CYSLTR1: variants seen among roughly 807,000 people sequenced by gnomAD.
CYSLTR1 encodes G-protein coupled receptor HG55.
CYSLTR1 carries 1 observed loss-of-function variant against 2.1 expected under a neutral mutation model. The observed-to-expected ratio is 0.48, with a 90% CI of 0.17 to 2.28. The LOEUF (loss-of-function observed/expected upper bound fraction) is 2.28, where lower values mean the gene tolerates loss of function less well. CYSLTR1 is among the 30% of genes most tolerant of loss of function. CYSLTR1 has a pLI of 0.26. For synonymous variants in CYSLTR1, 110 were observed against 89.6 expected (o/e 1.23, Z -1.28); for missense variants, 299 against 250.1 (o/e 1.20, Z -1.32).
At chrX:78,285,501 C>T (rs1318316512) in intron 1 of CYSLTR1, among the ~76,000 whole-genome samples, 1 of 110,898 alleles carries the variant, frequency 9.0e-6, no homozygotes, top group Non-Finnish European at 1.9e-5. Context: ...ATTAACTTGG[C>T]TCTGTCCTGG....
intron 1 of CYSLTR1, among the ~76,000 whole-genome samples, chrX:78,299,087 AATTT>A (rs2147264183): frequency 9.0e-6 from 1 of 111,517 alleles, no homozygotes; most frequent in South Asian, 3.7e-4. Flanking sequence ...ACTATCTTAT[AATTT>A]ATTATTTCAA....
intron 1 of CYSLTR1, among the ~76,000 whole-genome samples, chrX:78,289,127 C>G (rs181694398): frequency 9.1e-6 from 1 of 109,331 alleles, no homozygotes; most frequent in Non-Finnish European, 1.9e-5. Flanking sequence ...CTCCACCCCC[C>G]GACAGGCCCT....
intron 1 of CYSLTR1, among the ~76,000 whole-genome samples, chrX:78,302,121 G>C (rs1414337754): frequency 8.9e-6 from 1 of 112,165 alleles, no homozygotes; most frequent in Non-Finnish European, 1.9e-5. Flanking sequence ...GATGAGATTT[G>C]GGTGAGGATA....
chrX:78,279,810 T>C (rs1315470704), intron 2 of CYSLTR1, among the ~76,000 whole-genome samples: 4 of 111,799 alleles, frequency 3.6e-5, no homozygotes, highest in Non-Finnish European at 5.6e-5. Context: ...ATGTATGCAG[T>C]TGGAGGCCAT....
intron 1 of CYSLTR1, among the ~76,000 whole-genome samples, chrX:78,298,759 G>A (rs989974158): frequency 9.0e-6 from 1 of 111,090 alleles, no homozygotes; most frequent in African/African-American, 3.3e-5. Context: ...CTGTCTATGT[G>A]TGCCTTTATA....
At chrX:78,321,052 G>T (rs556427486) in intron 1 of CYSLTR1, 1 of 110,474 alleles carries the variant, frequency 9.1e-6, no homozygotes, top group East Asian at 2.9e-4. Flanking sequence ...CAACTTTGAA[G>T]AGTAACTTTG....
At chrX:78,300,171 A>G (rs1477023239) in intron 1 of CYSLTR1, among the ~76,000 whole-genome samples, 1 of 112,328 alleles carries the variant, frequency 8.9e-6, no homozygotes, top group African/African-American at 3.2e-5. Context: ...TGTTAAATTT[A>G]CCTGATAGAA....
intron 1 of CYSLTR1, among the ~76,000 whole-genome samples, chrX:78,309,071 T>C (rs985089536): frequency 9.0e-6 from 1 of 111,562 alleles, no homozygotes; most frequent in Non-Finnish European, 1.9e-5. Flanking sequence ...TTAAATGAGA[T>C]AGGAGGTAGG....
intron 1 of CYSLTR1, among the ~76,000 whole-genome samples, chrX:78,312,584 G>A (rs1024796792): frequency 8.9e-6 from 1 of 111,771 alleles, no homozygotes; most frequent in African/African-American, 3.2e-5. Context: ...ACCTGACAGA[G>A]GTCTAATATC....
chrX:78,295,283 G>A (rs1159884109), intron 1 of CYSLTR1, among the ~76,000 whole-genome samples: 1 of 110,636 alleles, frequency 9.0e-6, no homozygotes, highest in Non-Finnish European at 1.9e-5. Flanking sequence ...AGCTGTTGAT[G>A]GACCTTTAGG....
Position 78,315,263 on chromosome X carries a change from T to C in CYSLTR1, c.-115+12042A>G, listed in dbSNP as rs755327510. 1.6e-3 allele frequency among the ~76,000 whole-genome samples: 173 copies of C among 109,632 alleles called. 1 individual carries two copies. Among genetic ancestry groups the C allele is most frequent in the African/African-American group, 5.4e-3 (163 of 30,085 alleles). The stretch of plus-strand genomic sequence containing the variant: ...GGGCCTTGAATAAACAGAAATGATA[T>C]CCAGGTACATTGCTGATGGTCTTTG... On this transcript the variant is annotated intron_variant, in intron 1 of 2. Coordinates refer to ENST00000373304, the MANE Select transcript of CYSLTR1 (RefSeq NM_006639.4).
intron 1 of CYSLTR1, among the ~76,000 whole-genome samples, chrX:78,318,563 T>C (rs539118893): frequency 8.0e-5 from 9 of 112,096 alleles, no homozygotes; most frequent in African/African-American, 2.6e-4. Flanking sequence ...AAGAAAACTT[T>C]CATGCAAATA....
At chrX:78,277,562 C>T (rs780376296) in intron 2 of CYSLTR1, among the ~76,000 whole-genome samples, 1 of 111,411 alleles carries the variant, frequency 9.0e-6, no homozygotes, top group Admixed American at 9.6e-5. Context: ...TTGGTTCCTC[C>T]AGCACAGCAG....
intron 1 of CYSLTR1, among the ~76,000 whole-genome samples, chrX:78,283,921 C>A (rs1921945603): frequency 8.9e-6 from 1 of 111,791 alleles, no homozygotes; most frequent in African/African-American, 3.3e-5. Flanking sequence ...AACTTTACAT[C>A]CAGGGATCTG....
At chrX:78,279,809 G>A (rs560795506) in intron 2 of CYSLTR1, among the ~76,000 whole-genome samples, 1 of 111,984 alleles carries the variant, frequency 8.9e-6, no homozygotes, top group Non-Finnish European at 1.9e-5. Context: ...CATGTATGCA[G>A]TTGGAGGCCA....
chrX:78,297,737 T>C (rs532723836), intron 1 of CYSLTR1, among the ~76,000 whole-genome samples: 2 of 111,597 alleles, frequency 1.8e-5, no homozygotes, highest in South Asian at 7.5e-4. Context: ...GTCTCCTTTT[T>C]CATTTGTGAT....
chrX:78,323,746 A>C (rs1334587750), intron 1 of CYSLTR1, among the ~76,000 whole-genome samples: 1 of 111,469 alleles, frequency 9.0e-6, no homozygotes, highest in Admixed American at 9.5e-5. Flanking sequence ...AATGTCTCCT[A>C]TTTTTTCTTT....
chrX:78,323,364 T>C (rs767645482), intron 1 of CYSLTR1, among the ~76,000 whole-genome samples: 1 of 111,801 alleles, frequency 8.9e-6, no homozygotes, highest in East Asian at 2.8e-4. Flanking sequence ...CTCTAGGAGA[T>C]TGCTTTTTAT....
chrX:78,324,470 C>G lies in CYSLTR1; in HGVS notation c.-115+2835G>C, dbSNP rs12556302. On this transcript the variant is annotated intron_variant, in intron 1 of 2. Transcript: ENST00000373304. ...GCGACCTCCACCACCCGGGTTCAAG[C>G]GATTCTCCTGCCTCAGCCTCTCGAG... 9.2e-3 allele frequency among the ~76,000 whole-genome samples: 1,029 copies of G among 111,645 alleles called. 36 individuals carry two copies. The highest frequency in any genetic ancestry group is 0.089 in the Admixed American group (941 of 10,556).
Sources: gnomAD v4.1 joint callset for allele counts (sites outside exome capture counted in the v4.1 genomes callset) on GRCh38, gnomAD v4.1.1 for gene constraint, MANE v1.5 for transcripts, NCBI Gene and HGNC (gene_info 2026-07-23, HGNC 2026-07-21) for gene names.